The following SMAD2 variants were observed in gnomAD, a reference collection of about 807,000 sequenced individuals.
SMAD2 encodes the protein MAD homolog 2.
SMAD2 carries 8 observed loss-of-function variants against 64.4 expected under a neutral mutation model. That is an observed-to-expected ratio of 0.12 (90% confidence interval 0.07 to 0.22). The LOEUF (loss-of-function observed/expected upper bound fraction) is 0.22. Among genes scored for constraint, SMAD2 ranks in the 10% least tolerant of loss-of-function variants. The pLI, the probability that SMAD2 is intolerant of heterozygous loss-of-function variation, is 1.00. For synonymous variants in SMAD2, 203 were observed against 195.8 expected (o/e 1.04, Z -0.31); for missense variants, 289 against 561.2 (o/e 0.51, Z 4.90).
intron 2 of SMAD2, among the ~76,000 whole-genome samples, chr18:47,889,737 C>G (rs2033098649): frequency 6.6e-6 from 1 of 150,706 alleles, no homozygotes; most frequent in Non-Finnish European, 1.5e-5. Flanking sequence ...CGCCACTGCA[C>G]TCCAGCCTGG....
chr18:47,863,924 T>C (rs1227806081), intron 6 of SMAD2, among the ~76,000 whole-genome samples: 2 of 152,108 alleles, frequency 1.3e-5, no homozygotes, highest in African/African-American at 4.8e-5. Flanking sequence ...TTTCTCCACA[T>C]CCTCACCAAC....
chr18:47,880,595 A>C (rs563616966), intron 2 of SMAD2, among the ~76,000 whole-genome samples: 50 of 152,318 alleles, frequency 3.3e-4, no homozygotes, highest in African/African-American at 1.2e-3. Context: ...TGTATCCATC[A>C]GTTTACTGCA....
chr18:47,827,424 G>A lies in SMAD2; in HGVS notation c.*14403C>T, dbSNP rs928879538. The stretch of plus-strand genomic sequence containing the variant: ...TTGTGAATTAAGACATTATTACTTG[G>A]TGGCAATAACGGTTAGAAAAAAAGC... On this transcript the variant is annotated 3_prime_UTR_variant, in exon 11 of 11. Coordinates refer to ENST00000262160, the MANE Select transcript of SMAD2 (RefSeq NM_005901.6). The A allele has an allele frequency of 1.3e-5, 2 of 152,056 alleles. No individual in the cohort carries two copies. Among genetic ancestry groups the A allele is most frequent in the Non-Finnish European group, 1.5e-5 (1 of 68,032 alleles). 9.4% of individuals were successfully genotyped at this position (152,056 alleles called of 1,614,324 possible).
At chr18:47,865,847 T>C (rs1307085075) in intron 5 of SMAD2, among the ~76,000 whole-genome samples, 1 of 152,230 alleles carries the variant, frequency 6.6e-6, no homozygotes, top group Non-Finnish European at 1.5e-5. Flanking sequence ...TTCAGAAAGG[T>C]ATCTGAATAG....
At chr18:47,850,224 AAT>A (rs1568039805) in intron 7 of SMAD2, among the ~76,000 whole-genome samples, 4 of 55,738 alleles carry the variant, frequency 7.2e-5, no homozygotes, top group South Asian at 1.1e-3. Flanking sequence ...ATATATGTAT[AAT>A]ATATATTATA....
intron 1 of SMAD2, among the ~76,000 whole-genome samples, chr18:47,901,973 T>C (rs940167991): frequency 6.6e-6 from 1 of 152,190 alleles, no homozygotes; most frequent in Non-Finnish European, 1.5e-5. Flanking sequence ...TCACCTATTG[T>C]TCTCAAGTCG....
intron 2 of SMAD2, among the ~76,000 whole-genome samples, chr18:47,883,258 C>A (rs1221931141): frequency 1.3e-5 from 2 of 152,098 alleles, no homozygotes; most frequent in South Asian, 2.1e-4. Context: ...CATTTTTCCC[C>A]TGAATAACCC....
intron 7 of SMAD2, among the ~76,000 whole-genome samples, chr18:47,849,468 T>C (rs958233949): frequency 1.6e-5 from 2 of 126,776 alleles, no homozygotes; most frequent in South Asian, 2.8e-4. Context: ...AAAATAATAA[T>C]AGTAATACAG....
rs535943136 is a variant in SMAD2, at chr18:47,848,389, A to T, written c.997+86T>A. 38 of 1,051,002 alleles carry T rather than the reference A, an allele frequency of 3.6e-5. 1 individual carries two copies. The South Asian group carries it at 4.5e-4, about 12-fold the overall frequency. The allele number at this position is 1,051,002 out of a possible 1,614,324, so 65.1% of individuals were successfully genotyped here. On this transcript the variant is annotated intron_variant, in intron 8 of 10. Transcript: ENST00000262160. ...AGAGAGAAAGCTGGTTTTACTGCAC[A>T]CAAGCTCTTGATGTGGCACACCATG...
chr18:47,916,437 G>A (rs1418719448), intron 1 of SMAD2, among the ~76,000 whole-genome samples: 1 of 151,576 alleles, frequency 6.6e-6, no homozygotes, highest in Non-Finnish European at 1.5e-5. Context: ...TTTGTTTTGA[G>A]ACAGAGTCTC....
rs1912177039 is a variant in SMAD2, at chr18:47,810,856, A to G, written c.*30971T>C. ...AGCTGAACTGTCACACTTTTGCACC[A>G]TCTTCTGAATTCAGCATCGTCTTCC... On this transcript the variant is annotated 3_prime_UTR_variant, in exon 11 of 11. Coordinates refer to ENST00000262160, the MANE Select transcript of SMAD2 (RefSeq NM_005901.6). 1 of 152,262 alleles carries G rather than the reference A, an allele frequency of 6.6e-6. No individual in the cohort carries two copies. Among genetic ancestry groups the G allele is most frequent in the South Asian group, 2.1e-4 (1 of 4,834 alleles). The allele number at this position is 152,262 out of a possible 1,614,324, so 9.4% of individuals were successfully genotyped here. A position where few individuals can be genotyped will look rare whatever the true frequency, so the allele number is the denominator to read the frequency against.
intron 2 of SMAD2, among the ~76,000 whole-genome samples, chr18:47,887,138 C>T (rs1478258792): frequency 2.0e-5 from 3 of 152,190 alleles, no homozygotes; most frequent in African/African-American, 7.2e-5. Context: ...TGCTCTCCAA[C>T]AAGCTCTTCC....
chr18:47,898,808 G>A (rs148245638), intron 1 of SMAD2, among the ~76,000 whole-genome samples: 45 of 152,210 alleles, frequency 3.0e-4, no homozygotes, highest in African/African-American at 1.0e-3. Context: ...TGCTTTAGGC[G>A]TCAGGAAAGA....
intron 1 of SMAD2, among the ~76,000 whole-genome samples, chr18:47,914,353 A>G (rs2144523380): frequency 6.6e-6 from 1 of 152,314 alleles, no homozygotes; most frequent in Non-Finnish European, 1.5e-5. Flanking sequence ...AGTAGGAAAC[A>G]TTTATTGAGT....
At position 47,852,657 on chromosome 18, in the gene SMAD2, G is replaced by A. The variant is rs567928610; in HGVS notation, c.731-1330C>T. On this transcript the variant is annotated intron_variant, in intron 6 of 10. Coordinates refer to ENST00000262160, the MANE Select transcript of SMAD2 (RefSeq NM_005901.6). ...TTAGTAACTTTCTAGGGTTTACTAC[G>A]AGACATTATTCTATGAAGGGTGACT... Among the ~76,000 whole-genome samples the A allele has an allele frequency of 5.9e-5, 9 of 152,204 alleles. No homozygotes were observed. In the South Asian group the frequency reaches 8.3e-4, roughly 14 times the overall value.
rs1284145965 is a variant in SMAD2, at chr18:47,868,147, G to GTT, written c.655+174_655+175dup. On this transcript the variant is annotated intron_variant, in intron 5 of 10. Coordinates refer to ENST00000262160, the MANE Select transcript of SMAD2 (RefSeq NM_005901.6). ...GTAAAACTCTTCTCCAAACAAAACT[G>GTT]TTTAATGTACTAGGCTTATACATTT... 2.6e-5 allele frequency: 16 copies of GTT among 611,208 alleles called. No homozygotes were observed. In the African/African-American group the frequency reaches 3.0e-4, roughly 11 times the overall value. 37.9% of individuals were successfully genotyped at this position (611,208 alleles called of 1,614,324 possible). A position where few individuals can be genotyped will look rare whatever the true frequency, so the allele number is the denominator to read the frequency against.
chr18:47,850,051 T>TC (rs1659024959), intron 7 of SMAD2, among the ~76,000 whole-genome samples: 1 of 148,638 alleles, frequency 6.7e-6, no homozygotes, highest in Non-Finnish European at 1.5e-5. Flanking sequence ...GTTTTTACTG[T>TC]CGTATTGTTA....
intron 2 of SMAD2, 21 bp downstream of exon 2, chr18:47,896,500 C>T: frequency 1.9e-6 from 3 of 1,613,046 alleles, no homozygotes; most frequent in Non-Finnish European, 2.5e-6. Flanking sequence ...TTGATCAAAC[C>T]TGGGATCTAA....
In SMAD2 at chr18:47,850,837, G is replaced by GTATAATATATAT. The variant is rs1251485675; in HGVS notation, c.784+436_784+437insATATATATTATA. Among the ~76,000 whole-genome samples, 6 of 5,546 alleles carry GTATAATATATAT rather than the reference G, an allele frequency of 1.1e-3. 1 individual carries two copies. The highest frequency in any genetic ancestry group is 5.2e-3 in the African/African-American group (6 of 1,154). The allele number at this position is 5,546 out of a possible 152,430, so 3.6% of individuals were successfully genotyped here. ...ATATATTATATATTATATATATTATGTATATTATATATTATATATATTATA... is the reference window on the plus strand; with the variant it reads ...ATATATTATATATTATATATATTATGTATAATATATATTATATTATATATTATATATATTATA... On this transcript the variant is annotated intron_variant, in intron 7 of 10. Coordinates refer to ENST00000262160, the MANE Select transcript of SMAD2 (RefSeq NM_005901.6).
Sources: gnomAD v4.1 joint callset for allele counts (sites outside exome capture counted in the v4.1 genomes callset) on GRCh38, gnomAD v4.1.1 for gene constraint, MANE v1.5 for transcripts, NCBI Gene and HGNC (gene_info 2026-07-23, HGNC 2026-07-21) for gene names.